The following CCBE1 variants were observed in gnomAD, a reference collection of about 807,000 sequenced individuals.
CCBE1 encodes collagen and calcium binding EGF domains 1, also known as collagen and calcium-binding EGF domain-containing protein 1.
A neutral mutation model predicts 50.0 loss-of-function variants in CCBE1; 37 were observed. The ratio of observed to expected loss-of-function variants is 0.74; its 90% CI spans 0.57 to 0.97. The LOEUF (loss-of-function observed/expected upper bound fraction) is 0.97, where lower values mean the gene tolerates loss of function less well. CCBE1 is among the 50% of genes least tolerant of loss of function. The pLI, the probability that CCBE1 is intolerant of heterozygous loss-of-function variation, is 0.00. For missense variants in CCBE1, 538 were observed against 523.8 expected, an observed-to-expected ratio of 1.03 and a Z score of -0.26; for synonymous variants, 234 against 203.7, an observed-to-expected ratio of 1.15 and a Z score of -1.27.
Position 59,697,266 on chromosome 18 carries a change from A to G in CCBE1, c.77T>C (p.Leu26Pro). Residue 26 changes from leucine (L) to proline (P), a missense_variant, in exon 1 of 11, where the codon CTC becomes CCC. Coordinates refer to ENST00000439986, the MANE Select transcript of CCBE1 (RefSeq NM_133459.4). The stretch of plus-strand genomic sequence containing the variant: ...GGTCCACGTGTGTCCCAACGCCAGG[A>G]GCAGCAGCAGCGGACCCAGGCTCCT... The part of the protein sequence containing the change: ...LGRSLGPLLL[L>P]LALGHTWTYR... 1 of 1,549,206 alleles carries G rather than the reference A, an allele frequency of 6.5e-7. No individual in the cohort carries two copies. The highest frequency in any genetic ancestry group is 8.7e-7 in the Non-Finnish European group (1 of 1,146,700).
chr18:59,648,197 T>G (rs761594197), intron 2 of CCBE1, among the ~76,000 whole-genome samples: 10 of 152,228 alleles, frequency 6.6e-5, no homozygotes, highest in Non-Finnish European at 1.5e-4. Context: ...ACTCAGTAAG[T>G]GTGAGGCAGC....
rs1007215523 is a variant in CCBE1 at position 59,601,021 on chromosome 18, T to G, written c.212+95608A>C. On this transcript the variant is annotated intron_variant, in intron 2 of 10. Coordinates refer to ENST00000439986, the MANE Select transcript of CCBE1 (RefSeq NM_133459.4). ...TTAGCTATGTGTCAGTTTTTTTTTT[T>G]TTTTTTTTTTTTTTTTTTTTTTTTT... Among the ~76,000 whole-genome samples, 12 of 62,946 alleles carry G rather than the reference T, an allele frequency of 1.9e-4. No homozygotes were observed. In the East Asian group the frequency reaches 2.4e-3, roughly 12 times the overall value. 41.3% of individuals were successfully genotyped at this position (62,946 alleles called of 152,430 possible). A position where few individuals can be genotyped will look rare whatever the true frequency, so the allele number is the denominator to read the frequency against.
At chr18:59,460,913 T>C (rs1598918962) in intron 5 of CCBE1, among the ~76,000 whole-genome samples, 1 of 149,476 alleles carries the variant, frequency 6.7e-6, no homozygotes, top group Admixed American at 6.7e-5. Flanking sequence ...CCAGCCTGGG[T>C]GACAGAGGGA....
At chr18:59,630,586 C>T (rs1459167432) in intron 2 of CCBE1, among the ~76,000 whole-genome samples, 1 of 152,100 alleles carries the variant, frequency 6.6e-6, no homozygotes. Flanking sequence ...AGCAGGCATT[C>T]TCATGTCTGG....
At chr18:59,452,178 C>T (rs780665201) in intron 6 of CCBE1, among the ~76,000 whole-genome samples, 56 of 152,258 alleles carry the variant, frequency 3.7e-4, no homozygotes, top group Non-Finnish European at 7.4e-4. Flanking sequence ...CCGTTTCATG[C>T]TGTGGGGTTG....
intron 2 of CCBE1, among the ~76,000 whole-genome samples, chr18:59,520,094 A>C (rs1191056204): frequency 6.6e-6 from 1 of 152,194 alleles, no homozygotes; most frequent in Non-Finnish European, 1.5e-5. Flanking sequence ...TATAGTTTGA[A>C]GTCAGGCAGC....
At chr18:59,604,508 G>A (rs759323285) in intron 2 of CCBE1, among the ~76,000 whole-genome samples, 4 of 152,184 alleles carry the variant, frequency 2.6e-5, no homozygotes, top group Non-Finnish European at 5.9e-5. Flanking sequence ...ATATAATAAA[G>A]TCAAATTACT....
chr18:59,645,049 A>G (rs1364896695), intron 2 of CCBE1, among the ~76,000 whole-genome samples: 1 of 152,086 alleles, frequency 6.6e-6, no homozygotes, highest in African/African-American at 2.4e-5. Flanking sequence ...AGGTCAGGAG[A>G]TCGAGACCAT....
intron 2 of CCBE1, among the ~76,000 whole-genome samples, chr18:59,672,840 G>T (rs1222299544): frequency 6.6e-6 from 1 of 152,180 alleles, no homozygotes; most frequent in Admixed American, 6.5e-5. Context: ...TAAGACTTTG[G>T]GGACTGCGGT....
chr18:59,530,478 A>C (rs1915004744), intron 2 of CCBE1, among the ~76,000 whole-genome samples: 2 of 152,192 alleles, frequency 1.3e-5, no homozygotes, highest in South Asian at 4.2e-4. Flanking sequence ...GCCTTCTTGA[A>C]CCTCACTCTA....
chr18:59,585,337 T>C (rs2053163148), intron 2 of CCBE1, among the ~76,000 whole-genome samples: 1 of 151,038 alleles, frequency 6.6e-6, no homozygotes, highest in Admixed American at 6.6e-5. Context: ...ATGGCCATTT[T>C]ACATTTTTGG....
intron 2 of CCBE1, chr18:59,685,733 G>C (rs1015813614): frequency 6.6e-6 from 1 of 152,238 alleles, no homozygotes; most frequent in Non-Finnish European, 1.5e-5. Context: ...TCTATGCGCA[G>C]TCAAGGCTGA....
chr18:59,598,021 G>A (rs2053380072), intron 2 of CCBE1, among the ~76,000 whole-genome samples: 1 of 152,222 alleles, frequency 6.6e-6, no homozygotes, highest in African/African-American at 2.4e-5. Context: ...ACTAGAGACA[G>A]AAAAGAGAAA....
intron 2 of CCBE1, among the ~76,000 whole-genome samples, chr18:59,672,113 G>A (rs563686506): frequency 6.6e-6 from 1 of 152,084 alleles, no homozygotes; most frequent in Non-Finnish European, 1.5e-5. Flanking sequence ...TTATGAAAAG[G>A]GAATAAAATA....
intron 2 of CCBE1, among the ~76,000 whole-genome samples, chr18:59,599,869 T>C (rs1402925468): frequency 1.3e-5 from 2 of 152,124 alleles, no homozygotes; most frequent in Admixed American, 1.3e-4. Flanking sequence ...TAAAGCAAAT[T>C]ATTAACAAAA....
At chr18:59,654,825 G>A (rs893756440) in intron 2 of CCBE1, among the ~76,000 whole-genome samples, 1 of 150,078 alleles carries the variant, frequency 6.7e-6, no homozygotes, top group Non-Finnish European at 1.5e-5. Flanking sequence ...GCCAGAAAAG[G>A]TGGCTCATTC....
intron 2 of CCBE1, among the ~76,000 whole-genome samples, chr18:59,662,402 G>T (rs1434886513): frequency 2.0e-5 from 3 of 152,184 alleles, no homozygotes; most frequent in African/African-American, 7.2e-5. Flanking sequence ...TTACAAGGTG[G>T]ATTACATTAT....
Position 59,439,581 on chromosome 18 carries a change from G to A in CCBE1, c.916-3C>T. 1 of 1,614,266 alleles carries A rather than the reference G, an allele frequency of 6.2e-7. No individual in the cohort carries two copies. The highest frequency in any genetic ancestry group is 8.5e-7 in the Non-Finnish European group (1 of 1,180,050). ...CTTCCTGGTGCCCCTGGTGGACCCT[G>A]TAATACAAAAGGATCTGGTTTAACC... On this transcript the variant is annotated splice_polypyrimidine_tract_variant and splice_region_variant and intron_variant, in intron 8 of 10. Transcript: ENST00000439986.
At chr18:59,484,854 T>TA (rs1293705968) in intron 2 of CCBE1, among the ~76,000 whole-genome samples, 1 of 152,156 alleles carries the variant, frequency 6.6e-6, no homozygotes, top group African/African-American at 2.4e-5. Flanking sequence ...TTAAAATAAA[T>TA]AATGACATAT....
Sources: allele counts gnomAD v4.1 joint callset (sites outside exome capture counted in the v4.1 genomes callset), GRCh38; gene constraint gnomAD v4.1.1; transcripts MANE v1.5; gene names NCBI Gene and HGNC (gene_info 2026-07-23, HGNC 2026-07-21).